The following GPC5 variants were observed in gnomAD, a reference collection of about 807,000 sequenced individuals.
GPC5 encodes the protein glypican 5, also known as glypican-5.
Under a neutral mutation model 53.9 loss-of-function variants are expected in GPC5, and 47 were observed. The observed-to-expected ratio is 0.87, with a 90% CI of 0.69 to 1.11. GPC5 has a LOEUF of 1.11. GPC5 is among the 50% of genes most tolerant of loss of function. GPC5 has a pLI of 0.00. For missense variants in GPC5, 748 were observed against 713.1 expected (o/e 1.05, Z -0.56); for synonymous variants, 286 against 263.3 (o/e 1.09, Z -0.84).
intron 2 of GPC5, among the ~76,000 whole-genome samples, chr13:91,686,932 C>T (rs1055473279): frequency 6.6e-6 from 1 of 151,934 alleles, no homozygotes; most frequent in African/African-American, 2.4e-5. Context: ...ATCAGATATA[C>T]ATTGTAAAAT....
intron 7 of GPC5, among the ~76,000 whole-genome samples, chr13:92,385,725 ATACATG>A (rs1389470191): frequency 1.5e-4 from 21 of 143,462 alleles, no homozygotes; most frequent in Admixed American, 9.2e-4. Context: ...ATATACATAT[ATACATG>A]TATATATACG....
At chr13:91,417,593 T>C (rs1474178849) in intron 1 of GPC5, among the ~76,000 whole-genome samples, 1 of 152,162 alleles carries the variant, frequency 6.6e-6, no homozygotes, top group Non-Finnish European at 1.5e-5. Flanking sequence ...AAGAGAACAC[T>C]GGATACAGGG....
intron 6 of GPC5, among the ~76,000 whole-genome samples, chr13:92,102,489 G>T (rs900905422): frequency 6.6e-6 from 1 of 152,162 alleles, no homozygotes; most frequent in South Asian, 2.1e-4. Context: ...AGGAAGGACT[G>T]TATCTAGAAT....
intron 7 of GPC5, among the ~76,000 whole-genome samples, chr13:92,239,325 T>A (rs2776434): frequency 0.64 from 97,576 of 151,430 alleles, 32,430 homozygotes; most frequent in African/African-American, 0.8. Context: ...TGAACAAGGG[T>A]TGTTTTTACA....
At chr13:92,493,589 T>A (rs1375813481) in intron 7 of GPC5, among the ~76,000 whole-genome samples, 1 of 152,160 alleles carries the variant, frequency 6.6e-6, no homozygotes, top group Non-Finnish European at 1.5e-5. Context: ...GGAGATTTAA[T>A]CCTCAGTCTC....
intron 5 of GPC5, among the ~76,000 whole-genome samples, chr13:91,772,060 C>T (rs780407874): frequency 2.6e-5 from 4 of 152,132 alleles, no homozygotes; most frequent in Non-Finnish European, 5.9e-5. Context: ...TGCTTGCCAA[C>T]CTTTGTGAGT....
intron 6 of GPC5, among the ~76,000 whole-genome samples, chr13:92,105,310 A>G (rs1248506705): frequency 2.6e-5 from 4 of 152,104 alleles, no homozygotes; most frequent in Non-Finnish European, 5.9e-5. Context: ...CTTGGTAAAG[A>G]TAATGTGAAT....
At chr13:92,814,943 C>T (rs1042218260) in intron 7 of GPC5, among the ~76,000 whole-genome samples, 3 of 151,788 alleles carry the variant, frequency 2.0e-5, no homozygotes, top group Non-Finnish European at 4.4e-5. Context: ...CTTCTCAAAT[C>T]GCAAACCACA....
intron 7 of GPC5, among the ~76,000 whole-genome samples, chr13:92,643,166 T>C (rs1594376106): frequency 6.6e-6 from 1 of 152,042 alleles, no homozygotes; most frequent in African/African-American, 2.4e-5. Flanking sequence ...TTCTCCCATT[T>C]TGTAGGTTGC....
chr13:91,679,413 A>G (rs1309547094), intron 2 of GPC5, among the ~76,000 whole-genome samples: 1 of 152,200 alleles, frequency 6.6e-6, no homozygotes, highest in East Asian at 1.9e-4. Flanking sequence ...ATACAGATCT[A>G]GGTTGATATG....
chr13:92,765,609 G>C (rs1875373578), intron 7 of GPC5, among the ~76,000 whole-genome samples: 1 of 152,188 alleles, frequency 6.6e-6, no homozygotes, highest in African/African-American at 2.4e-5. Context: ...TGTGCTGCCA[G>C]GACTAGCAGC....
chr13:92,525,717 C>T (rs1881252668), intron 7 of GPC5, among the ~76,000 whole-genome samples: 2 of 151,878 alleles, frequency 1.3e-5, no homozygotes, highest in South Asian at 4.1e-4. Context: ...TCTCTTCTTC[C>T]AAAATAACTG....
At chr13:91,882,290 A>G (rs2138951658) in intron 5 of GPC5, among the ~76,000 whole-genome samples, 1 of 152,236 alleles carries the variant, frequency 6.6e-6, no homozygotes, top group South Asian at 2.1e-4. Context: ...AAGCTTGAAA[A>G]AATACTGCTT....
Position 91,460,292 on chromosome 13 carries a change from T to A in GPC5, c.325+11370T>A, listed in dbSNP as rs181073325. Among the ~76,000 whole-genome samples, 868 of 151,602 alleles carry A rather than the reference T, an allele frequency of 5.7e-3. 7 individuals are homozygous for A. Among genetic ancestry groups the A allele is most frequent in the African/African-American group, 0.016 (653 of 41,466 alleles). On this transcript the variant is annotated intron_variant, in intron 2 of 7. Transcript: ENST00000377067. ...ATCAATCATTTAAATAATATCTCTT[T>A]GTTGTCTTTTTTTTTTTTGGTGGGG...
At chr13:92,046,830 A>G (rs1342132501) in intron 6 of GPC5, among the ~76,000 whole-genome samples, 1 of 152,234 alleles carries the variant, frequency 6.6e-6, no homozygotes, top group Non-Finnish European at 1.5e-5. Flanking sequence ...GACAGCATGC[A>G]GACTTCTGTC....
intron 7 of GPC5, among the ~76,000 whole-genome samples, chr13:92,611,358 A>G (rs1884430615): frequency 6.6e-6 from 1 of 152,158 alleles, no homozygotes; most frequent in Non-Finnish European, 1.5e-5. Flanking sequence ...CATCTTCCAT[A>G]CTTTTTCTTT....
intron 3 of GPC5, among the ~76,000 whole-genome samples, chr13:91,713,315 G>T (rs1395125493): frequency 6.6e-6 from 1 of 152,050 alleles, no homozygotes; most frequent in Non-Finnish European, 1.5e-5. Context: ...GAGTAAGGAA[G>T]TGCCCCCCAC....
intron 7 of GPC5, among the ~76,000 whole-genome samples, chr13:92,812,141 A>G (rs1212093581): frequency 1.3e-5 from 2 of 151,918 alleles, no homozygotes; most frequent in African/African-American, 2.4e-5. Context: ...GTTTTTTGAT[A>G]AGAAGTGCAT....
chr13:92,726,973 T>C (rs901540164), intron 7 of GPC5, among the ~76,000 whole-genome samples: 1 of 151,540 alleles, frequency 6.6e-6, no homozygotes, highest in Non-Finnish European at 1.5e-5. Context: ...CTATTGATAG[T>C]AGGAACATAA....
Sources: gnomAD v4.1 joint callset for allele counts (sites outside exome capture counted in the v4.1 genomes callset) on GRCh38, gnomAD v4.1.1 for gene constraint, MANE v1.5 for transcripts, NCBI Gene and HGNC (gene_info 2026-07-23, HGNC 2026-07-21) for gene names.